The following TRPV4 variants were observed in gnomAD, a reference collection of about 807,000 sequenced individuals.
TRPV4 encodes OSM9-like transient receptor potential channel 4.
In TRPV4, 58 loss-of-function variants were observed where a neutral mutation model predicts 84.1. That is an observed-to-expected ratio of 0.69 (90% CI 0.56 to 0.86). The LOEUF is 0.86. TRPV4 is among the 40% of genes least tolerant of loss of function. The probability of loss-of-function intolerance (pLI) is 0.00; values close to 1 mark genes in which losing one functional copy is unlikely to be tolerated. For missense variants in TRPV4, 879 were observed against 1,181.1 expected (o/e 0.74, Z 3.75); for synonymous variants, 489 against 500.9 (o/e 0.98, Z 0.32).
At chr12:109,821,195 T>C (rs1892087880) in intron 1 of TRPV4, among the ~76,000 whole-genome samples, 2 of 152,234 alleles carry the variant, frequency 1.3e-5, no homozygotes, top group Admixed American at 1.3e-4. Flanking sequence ...GGAGCTGGTT[T>C]CTCCCGGTTC....
At position 109,814,740 on chromosome 12, in the gene TRPV4, G is replaced by A. The variant is rs112408790; in HGVS notation, c.57C>T (p.Pro19=). Residue 19 remains proline, a synonymous_variant, in exon 2 of 16, where the codon CCC becomes CCT. Coordinates refer to ENST00000261740, the MANE Select transcript of TRPV4 (RefSeq NM_021625.5). The surrounding 1 kb of genome is among the most constrained non-coding windows in gnomAD (Gnocchi z 5.4). ...CACCTGGGGTGCCACTCTCATCCCCGGGGAGCTCAGCCACCTCCCCGGGCC... is the reference window on the plus strand; with the variant it reads ...CACCTGGGGTGCCACTCTCATCCCCAGGGAGCTCAGCCACCTCCCCGGGCC... ...RAGPGEVAEL[P]GDESGTPGGE... 509 of 1,587,004 alleles carry A rather than the reference G, an allele frequency of 3.2e-4. 1 individual carries two copies. In the African/African-American group the frequency reaches 5.3e-3, roughly 17 times the overall value.
intron 14 of TRPV4, among the ~76,000 whole-genome samples, chr12:109,784,860 CG>C (rs1889587535): frequency 8.1e-6 from 1 of 123,796 alleles, no homozygotes; most frequent in South Asian, 2.6e-4. Flanking sequence ...AAAAAAAAGA[CG>C]TGTGTGTGTG....
At position 109,783,756 on chromosome 12, in the gene TRPV4, G is replaced by A. The variant is rs775524996; in HGVS notation, c.2481C>T (p.Pro827=). The A allele has an allele frequency of 2.5e-6, 4 of 1,613,242 alleles. No homozygotes were observed. Among genetic ancestry groups the A allele is most frequent in the Non-Finnish European group, 1.7e-6 (2 of 1,179,980 alleles). ...AGTTCTTGTTCAGTTCCACCACGCG[G>A]GGTACCACCGAGGACCAGCGATCTG... The part of the protein sequence containing the change: ...LRRDRWSSVV[P]RVVELNKNSN... The change falls in exon 16 of 16, where the codon CCC becomes CCT. Residue 827 remains proline, a synonymous_variant. Coordinates refer to ENST00000261740, the MANE Select transcript of TRPV4 (RefSeq NM_021625.5). This position sits in a 1 kb window ranked among gnomAD's most constrained non-coding sequence, Gnocchi z 4.6.
At chr12:109,810,212 A>G (rs1201247991) in intron 2 of TRPV4, among the ~76,000 whole-genome samples, 1 of 152,244 alleles carries the variant, frequency 6.6e-6, no homozygotes, top group Non-Finnish European at 1.5e-5. Context: ...ATGAGGCAGG[A>G]ATGCTCTCTC....
rs35134942 is a variant in TRPV4, at chr12:109,828,697, G to A, written c.-32+4653C>T. 5.1e-3 allele frequency among the ~76,000 whole-genome samples: 779 copies of A among 152,362 alleles called. 5 individuals carry two copies. The highest frequency in any genetic ancestry group is 0.017 in the South Asian group (81 of 4,832). ...CCTAGCGTAGCTTTCCACGCAAGAAGCTAAGCTGGCCACTGGGCTTTTCGT... is the reference window on the plus strand; with the variant it reads ...CCTAGCGTAGCTTTCCACGCAAGAAACTAAGCTGGCCACTGGGCTTTTCGT... On this transcript the variant is annotated intron_variant, in intron 1 of 15. Transcript: ENST00000261740.
At chr12:109,800,480 G>T in intron 5 of TRPV4, 138 bp downstream of exon 5, 3 of 1,110,544 alleles carry the variant, frequency 2.7e-6, no homozygotes, top group Non-Finnish European at 3.9e-6. Flanking sequence ...CTGTGGTCCA[G>T]AGTGCTGCCT....
chr12:109,793,886 G>T lies in TRPV4; in HGVS notation c.1584+44C>A. 2 of 1,399,538 alleles carry T rather than the reference G, an allele frequency of 1.4e-6. No homozygotes were observed. The highest frequency in any genetic ancestry group is 2.0e-6 in the Non-Finnish European group (2 of 997,018). The allele number at this position is 1,399,538 out of a possible 1,614,324, so 86.7% of individuals were successfully genotyped here. On this transcript the variant is annotated intron_variant, in intron 9 of 15. Transcript: ENST00000261740. This position sits in a 1 kb window ranked among gnomAD's most constrained non-coding sequence, Gnocchi z 4.0. ...AGAGAAAAGAGGTGCAGGAAGAGAAGAGGAGGGCAGGCAGGGTGGGGGGCA... is the reference window on the plus strand; with the variant it reads ...AGAGAAAAGAGGTGCAGGAAGAGAATAGGAGGGCAGGCAGGGTGGGGGGCA...
At chr12:109,784,569 CCTG>C in intron 14 of TRPV4, 132 bp from the exon 15 acceptor site, 2 of 1,380,898 alleles carry the variant, frequency 1.4e-6, no homozygotes, top group Non-Finnish European at 1.0e-6. Context: ...GTGGCTCATG[CCTG>C]CAATCCCAGC....
intron 2 of TRPV4, 42 bp from the exon 3 acceptor site, chr12:109,808,510 C>G (rs571727191): frequency 6.3e-7 from 1 of 1,582,272 alleles, no homozygotes; most frequent in South Asian, 1.1e-5. Flanking sequence ...GGGCTCATCC[C>G]CTGCCTGCCC....
chr12:109,795,228 C>T (rs890693651), intron 7 of TRPV4, among the ~76,000 whole-genome samples: 1 of 152,208 alleles, frequency 6.6e-6, no homozygotes, highest in African/African-American at 2.4e-5. Context: ...CAATTCTGAA[C>T]CCAGGGCAGA....
intron 1 of TRPV4, among the ~76,000 whole-genome samples, chr12:109,818,318 A>C (rs1190613636): frequency 2.0e-5 from 3 of 152,128 alleles, no homozygotes; most frequent in Non-Finnish European, 4.4e-5. Context: ...AACATCCTCC[A>C]AAACAAAAGA....
chr12:109,810,330 T>C (rs575040729), intron 2 of TRPV4, among the ~76,000 whole-genome samples: 4 of 152,102 alleles, frequency 2.6e-5, no homozygotes, highest in Non-Finnish European at 5.9e-5. Context: ...GCACAGGGTC[T>C]GGGAGGGAGA....
chr12:109,809,260 CCCATCTAACTACCCGCCCATCCAT>C (rs1565879787), intron 2 of TRPV4, among the ~76,000 whole-genome samples: 1 of 143,462 alleles, frequency 7.0e-6, no homozygotes, highest in African/African-American at 2.6e-5. Flanking sequence ...CATTCATCCA[CCCATCTAACTACCCGCCCATCCAT>C]CCATCCACCT....
intron 1 of TRPV4, among the ~76,000 whole-genome samples, chr12:109,830,395 A>C (rs1321007033): frequency 6.6e-6 from 1 of 152,254 alleles, no homozygotes; most frequent in Non-Finnish European, 1.5e-5. Flanking sequence ...CTTGGCACAC[A>C]GTAAGTGCTC....
Position 109,784,595 on chromosome 12 carries a change from C to T in TRPV4, c.2337-158G>A, listed in dbSNP as rs369488103. Among the ~76,000 whole-genome samples the T allele has an allele frequency of 1.0e-3, 159 of 151,762 alleles. 2 individuals carry two copies. In the South Asian group the frequency reaches 0.032, roughly 31 times the overall value. On this transcript the variant is annotated intron_variant, in intron 14 of 15. Coordinates refer to ENST00000261740, the MANE Select transcript of TRPV4 (RefSeq NM_021625.5). Reference sequence around the variant, plus strand: ...CTGCAATCCCAGCACTTTGGGAGGCCGAGGTGGGTGGGTCATTTGAGGTCA... The same window carrying T: ...CTGCAATCCCAGCACTTTGGGAGGCTGAGGTGGGTGGGTCATTTGAGGTCA...
rs1426924427 is a variant in TRPV4 at position 109,786,318 on chromosome 12, C to T, written c.2336+392G>A. Among the ~76,000 whole-genome samples, 1 of 152,166 alleles carries T rather than the reference C, an allele frequency of 6.6e-6. No homozygotes were observed. Among genetic ancestry groups the T allele is most frequent in the Non-Finnish European group, 1.5e-5 (1 of 68,026 alleles). On this transcript the variant is annotated intron_variant, in intron 14 of 15. Coordinates refer to ENST00000261740, the MANE Select transcript of TRPV4 (RefSeq NM_021625.5). The surrounding 1 kb of genome is among the most constrained non-coding windows in gnomAD (Gnocchi z 4.5). The stretch of plus-strand genomic sequence containing the variant: ...ATTTCACCGAGGGCACTAGAGCTCA[C>T]CCCACTGTTTGGTAGATACAGGGTG...
At chr12:109,829,144 C>T (rs1351119047) in intron 1 of TRPV4, among the ~76,000 whole-genome samples, 3 of 151,946 alleles carry the variant, frequency 2.0e-5, no homozygotes, top group African/African-American at 7.3e-5. Context: ...TGCATTCCAG[C>T]CTGAGCAACA....
intron 12 of TRPV4, among the ~76,000 whole-genome samples, chr12:109,790,429 G>A (rs1391769739): frequency 6.6e-6 from 1 of 152,242 alleles, no homozygotes; most frequent in African/African-American, 2.4e-5. Flanking sequence ...TGAGGTCCCA[G>A]AATGCTTCTT....
At chr12:109,831,761 A>G (rs955618587) in intron 1 of TRPV4, among the ~76,000 whole-genome samples, 1 of 152,208 alleles carries the variant, frequency 6.6e-6, no homozygotes, top group Non-Finnish European at 1.5e-5. Context: ...CTTTTTGTTC[A>G]GGCAACCATT....
Sources: gnomAD v4.1 joint callset for allele counts (sites outside exome capture counted in the v4.1 genomes callset) on GRCh38, gnomAD v4.1.1 for gene constraint, Gnocchi (gnomAD v3.1) non-coding constraint, MANE v1.5 for transcripts, NCBI Gene and HGNC (gene_info 2026-07-23, HGNC 2026-07-21) for gene names.